The following UBE2E2 variants were observed in gnomAD, a reference collection of about 807,000 sequenced individuals.
The protein encoded by UBE2E2 is ubiquitin conjugating enzyme E2 E2, also known as ubiquitin-conjugating enzyme E2 E2.
Under a neutral mutation model 24.7 loss-of-function variants are expected in UBE2E2, and 6 were observed. The ratio of observed to expected loss-of-function variants is 0.24; its 90% CI spans 0.13 to 0.48. The LOEUF (loss-of-function observed/expected upper bound fraction) is 0.48, where lower values mean the gene tolerates loss of function less well. UBE2E2 is among the 20% of genes least tolerant of loss of function. UBE2E2 has a pLI of 0.99. For missense variants in UBE2E2, 169 were observed against 245.0 expected (o/e 0.69, Z 2.07); for synonymous variants, 104 against 83.6 (o/e 1.24, Z -1.33).
rs1247862132 is a variant in UBE2E2 at position 23,425,886 on chromosome 3, G to A, written c.228-73722G>A. ...TACTAGAAGGCAAATAATACACTTCGAAGAGACAGAACAAGCAACAGAACC... is the reference window on the plus strand; with the variant it reads ...TACTAGAAGGCAAATAATACACTTCAAAGAGACAGAACAAGCAACAGAACC... On this transcript the variant is annotated intron_variant, in intron 3 of 5. Transcript: ENST00000396703. Among the ~76,000 whole-genome samples, 6 of 152,084 alleles carry A rather than the reference G, an allele frequency of 3.9e-5. No individual in the cohort carries two copies. In the South Asian group the frequency reaches 6.2e-4, roughly 16 times the overall value.
At chr3:23,351,619 G>A (rs1253847103) in intron 3 of UBE2E2, among the ~76,000 whole-genome samples, 1 of 152,034 alleles carries the variant, frequency 6.6e-6, no homozygotes, top group Non-Finnish European at 1.5e-5. Flanking sequence ...AACCAACAAA[G>A]ATCAAAAGAG....
chr3:23,482,214 A>G (rs1699273268), intron 3 of UBE2E2, among the ~76,000 whole-genome samples: 1 of 152,208 alleles, frequency 6.6e-6, no homozygotes, highest in Admixed American at 6.5e-5. Flanking sequence ...ATGTGTATTT[A>G]TAGAACTCAG....
At chr3:23,257,529 ACT>A (rs1559459179) in intron 3 of UBE2E2, among the ~76,000 whole-genome samples, 2 of 11,112 alleles carry the variant, frequency 1.8e-4, no homozygotes, top group Non-Finnish European at 1.6e-4. Context: ...CCCCCCCCCC[ACT>A]TTTTTTTTTT....
At chr3:23,404,140 T>A (rs984036163) in intron 3 of UBE2E2, among the ~76,000 whole-genome samples, 2 of 151,444 alleles carry the variant, frequency 1.3e-5, no homozygotes, top group African/African-American at 2.4e-5. Context: ...GATTACACAC[T>A]CACACACACA....
intron 3 of UBE2E2, among the ~76,000 whole-genome samples, chr3:23,284,849 G>A (rs929668265): frequency 7.3e-5 from 11 of 150,702 alleles, no homozygotes; most frequent in South Asian, 2.1e-4. Flanking sequence ...TACTCCCTGA[G>A]GTCTGTTCTA....
intron 3 of UBE2E2, among the ~76,000 whole-genome samples, chr3:23,387,323 A>G (rs1696826470): frequency 6.6e-6 from 1 of 152,338 alleles, no homozygotes; most frequent in African/African-American, 2.4e-5. Flanking sequence ...TCTTTTCAAA[A>G]GGTGAATTGG....
chr3:23,370,579 A>G (rs1233008422), intron 3 of UBE2E2, among the ~76,000 whole-genome samples: 1 of 152,228 alleles, frequency 6.6e-6, no homozygotes. Context: ...GAATTTTAGT[A>G]TATTTTCACA....
At chr3:23,584,319 A>G (rs1248397479) in intron 5 of UBE2E2, among the ~76,000 whole-genome samples, 1 of 151,772 alleles carries the variant, frequency 6.6e-6, no homozygotes, top group Non-Finnish European at 1.5e-5. Flanking sequence ...GTTTGCTAGT[A>G]TTTTGTTGAG....
At chr3:23,208,603 C>A in intron 1 of UBE2E2, 89 bp from the exon 2 acceptor site, 2 of 1,025,682 alleles carry the variant, frequency 1.9e-6, no homozygotes, top group Non-Finnish European at 2.7e-6. Context: ...TTGAGATTTA[C>A]TTGTTTTACT....
intron 3 of UBE2E2, among the ~76,000 whole-genome samples, chr3:23,342,851 G>A (rs1695436090): frequency 6.6e-6 from 1 of 152,088 alleles, no homozygotes. Flanking sequence ...CTTCATAGCT[G>A]TGGAAAATTA....
intron 5 of UBE2E2, among the ~76,000 whole-genome samples, chr3:23,572,945 A>G (rs557707218): frequency 6.6e-6 from 1 of 152,242 alleles, no homozygotes; most frequent in South Asian, 2.1e-4. Flanking sequence ...TTTTGATGAC[A>G]TTATTTAGAG....
chr3:23,262,570 A>G (rs948160680), intron 3 of UBE2E2, among the ~76,000 whole-genome samples: 1 of 150,686 alleles, frequency 6.6e-6, no homozygotes, highest in African/African-American at 2.4e-5. Flanking sequence ...ATGAGCCACC[A>G]TGTTCAGTGT....
chr3:23,455,988 C>G (rs1464399852), intron 3 of UBE2E2, among the ~76,000 whole-genome samples: 2 of 152,170 alleles, frequency 1.3e-5, no homozygotes, highest in Non-Finnish European at 2.9e-5. Context: ...TGGAGTCAGT[C>G]CTCTCAAACT....
chr3:23,332,031 A>C (rs1695071737), intron 3 of UBE2E2, among the ~76,000 whole-genome samples: 1 of 152,128 alleles, frequency 6.6e-6, no homozygotes, highest in Non-Finnish European at 1.5e-5. Context: ...CTTAATACGG[A>C]TCTGAAATAA....
chr3:23,532,061 CAAAAAAA>C (rs538531736), intron 4 of UBE2E2, among the ~76,000 whole-genome samples: 1 of 91,298 alleles, frequency 1.1e-5, no homozygotes, highest in Admixed American at 1.2e-4. Flanking sequence ...AACTCTATCT[CAAAAAAA>C]AAAAAAAAGA....
chr3:23,493,052 C>A (rs1442664656), intron 3 of UBE2E2, among the ~76,000 whole-genome samples: 1 of 152,024 alleles, frequency 6.6e-6, no homozygotes, highest in Non-Finnish European at 1.5e-5. Flanking sequence ...GGGATTGAGG[C>A]ACAGAAAGGT....
In UBE2E2 at chr3:23,353,494, G is replaced by C. The variant is rs1179205237; in HGVS notation, c.227+136182G>C. Among the ~76,000 whole-genome samples, 119 of 152,216 alleles carry C rather than the reference G, an allele frequency of 7.8e-4. 3 individuals carry two copies. In the South Asian group the frequency reaches 0.012, roughly 16 times the overall value. On this transcript the variant is annotated intron_variant, in intron 3 of 5. Coordinates refer to ENST00000396703, the MANE Select transcript of UBE2E2 (RefSeq NM_152653.4). ...TAGTATATCTAGAAAACCCCATCGT[G>C]TCAGCCCAAAATCTCCTTAAGCTGA...
chr3:23,275,738 G>C (rs1385504228), intron 3 of UBE2E2, among the ~76,000 whole-genome samples: 4 of 151,938 alleles, frequency 2.6e-5, no homozygotes, highest in Non-Finnish European at 4.4e-5. Context: ...AGGGAGAGTT[G>C]AAAGAGGTGG....
chr3:23,320,587 T>C lies in UBE2E2; in HGVS notation c.227+103275T>C, dbSNP rs545725449. On this transcript the variant is annotated intron_variant, in intron 3 of 5. Coordinates refer to ENST00000396703, the MANE Select transcript of UBE2E2 (RefSeq NM_152653.4). ...GGCATTTCATATAAAAATAGAATCGTCTTTTAGTTAACATAATGTTTTAAA... is the reference window on the plus strand; with the variant it reads ...GGCATTTCATATAAAAATAGAATCGCCTTTTAGTTAACATAATGTTTTAAA... Among the ~76,000 whole-genome samples the C allele has an allele frequency of 4.6e-5, 7 of 152,316 alleles. No individual in the cohort carries two copies. The South Asian group carries it at 1.4e-3, about 32-fold the overall frequency.
Sources: allele counts gnomAD v4.1 joint callset (sites outside exome capture counted in the v4.1 genomes callset), GRCh38; gene constraint gnomAD v4.1.1; transcripts MANE v1.5; gene names NCBI Gene and HGNC (gene_info 2026-07-23, HGNC 2026-07-21).